Variants in NPSR1 observed in about 807,000 individuals in gnomAD.
NPSR1 encodes the protein neuropeptide S receptor.
A neutral mutation model predicts 46.9 loss-of-function variants in NPSR1; 48 were observed. The observed-to-expected ratio is 1.02, with a 90% confidence interval of 0.81 to 1.30. The LOEUF is 1.30. Among genes scored for constraint, NPSR1 ranks in the 50% most tolerant of loss-of-function variants. The pLI is 0.00. For synonymous variants in NPSR1, 176 were observed against 168.1 expected (o/e 1.05, Z -0.36); for missense variants, 450 against 449.5 (o/e 1.00, Z -0.01).
At chr7:34,665,334 G>T (rs1447226045) in intron 1 of NPSR1, among the ~76,000 whole-genome samples, 1 of 152,090 alleles carries the variant, frequency 6.6e-6, no homozygotes. Context: ...GCTGTCTTTG[G>T]CCTGAAATGA....
intron 6 of NPSR1, among the ~76,000 whole-genome samples, chr7:34,840,184 G>T (rs987450296): frequency 3.9e-5 from 6 of 152,194 alleles, no homozygotes; most frequent in African/African-American, 1.2e-4. Context: ...AAGGTTCAGA[G>T]ATATGCAGCC....
intron 4 of NPSR1, among the ~76,000 whole-genome samples, chr7:34,821,504 C>T (rs1789560430): frequency 6.6e-6 from 1 of 152,096 alleles, no homozygotes; most frequent in Admixed American, 6.5e-5. Flanking sequence ...GACAAAAGGA[C>T]ATCGACGCCA....
chr7:34,808,871 A>T (rs1379929), intron 3 of NPSR1, among the ~76,000 whole-genome samples: 10,366 of 152,024 alleles, frequency 0.068, 1,019 homozygotes, highest in African/African-American at 0.22. Context: ...GTAACTTTTA[A>T]ATTTTTTTAC....
intron 7 of NPSR1, among the ~76,000 whole-genome samples, chr7:34,847,697 C>T (rs1051116675): frequency 3.9e-5 from 6 of 152,286 alleles, no homozygotes; most frequent in East Asian, 1.9e-4. Flanking sequence ...AGATTGGATG[C>T]GGCCCACAAA....
Position 34,778,545 on chromosome 7 carries a change from C to A in NPSR1, c.364C>A (p.Arg122=). The A allele has an allele frequency of 2.5e-6, 4 of 1,610,896 alleles. No individual in the cohort carries two copies. The highest frequency in any genetic ancestry group is 3.4e-6 in the Non-Finnish European group (4 of 1,177,588). The change falls in exon 3 of 9, where the codon CGA becomes AGA. Residue 122 remains arginine, a synonymous_variant. Transcript: ENST00000360581. Reference sequence around the variant, plus strand: ...CTTCACGGCACCTGACCTGGTTTGCCGAGTGGTCCGCTATTTGCAGGTATG... The same window carrying A: ...CTTCACGGCACCTGACCTGGTTTGCAGAGTGGTCCGCTATTTGCAGGTATG... ...GDFTAPDLVC[R]VVRYLQVVLL...
At chr7:34,726,948 T>C (rs1784186045) in intron 2 of NPSR1, among the ~76,000 whole-genome samples, 1 of 152,164 alleles carries the variant, frequency 6.6e-6, no homozygotes, top group South Asian at 2.1e-4. Context: ...TATGTGTCAT[T>C]GTACATTTGT....
chr7:34,660,906 C>A (rs1234138371), intron 1 of NPSR1, among the ~76,000 whole-genome samples: 1 of 152,168 alleles, frequency 6.6e-6, no homozygotes, highest in African/African-American at 2.4e-5. Flanking sequence ...GACTGTACCT[C>A]TCTTCTTGCC....
At chr7:34,835,753 T>C (rs1489340568) in intron 6 of NPSR1, among the ~76,000 whole-genome samples, 2 of 152,142 alleles carry the variant, frequency 1.3e-5, no homozygotes, top group Non-Finnish European at 2.9e-5. Context: ...GGACTGGAAA[T>C]GACAAAGAAT....
intron 8 of NPSR1, among the ~76,000 whole-genome samples, chr7:34,859,539 G>T (rs920713037): frequency 5.9e-5 from 9 of 151,632 alleles, no homozygotes; most frequent in Admixed American, 2.0e-4. Flanking sequence ...AGATATTGCT[G>T]CCCTAACTCC....
At chr7:34,870,910 G>GGATA (rs1791438643) in intron 8 of NPSR1, among the ~76,000 whole-genome samples, 1 of 150,772 alleles carries the variant, frequency 6.6e-6, no homozygotes, top group Admixed American at 6.6e-5. Context: ...ATGAATGGAT[G>GGATA]GATGGATAGA....
chr7:34,818,782 G>A (rs1460028466), intron 4 of NPSR1, among the ~76,000 whole-genome samples: 1 of 152,126 alleles, frequency 6.6e-6, no homozygotes, highest in African/African-American at 2.4e-5. Context: ...ACAACCATCT[G>A]ATCTTTGACA....
At chr7:34,811,277 G>A (rs1293541450) in intron 3 of NPSR1, among the ~76,000 whole-genome samples, 2 of 152,142 alleles carry the variant, frequency 1.3e-5, no homozygotes, top group African/African-American at 4.8e-5. Context: ...GAAGGGGGAT[G>A]GAGTGGGAAG....
chr7:34,734,085 G>A (rs765256713), intron 2 of NPSR1, among the ~76,000 whole-genome samples: 1 of 152,172 alleles, frequency 6.6e-6, no homozygotes, highest in Non-Finnish European at 1.5e-5. Context: ...CCAGATTGGA[G>A]GAGGCAGGTT....
chr7:34,773,341 A>G (rs757025827), intron 2 of NPSR1, among the ~76,000 whole-genome samples: 2 of 152,190 alleles, frequency 1.3e-5, no homozygotes, highest in Non-Finnish European at 2.9e-5. Context: ...TAATACAAAC[A>G]GTAGGTTCTA....
intron 2 of NPSR1, among the ~76,000 whole-genome samples, chr7:34,686,731 C>T (rs1284077861): frequency 2.0e-5 from 3 of 152,056 alleles, no homozygotes; most frequent in Non-Finnish European, 4.4e-5. Flanking sequence ...GCACTCAAAG[C>T]ACCCTCCTTT....
Position 34,790,666 on chromosome 7 carries a change from ATATGT to A in NPSR1, c.384+12105_384+12109del, listed in dbSNP as rs1186490627. ...ATATAATATGTATTATGTTATAAATATATGTTATATGTTCTATGTTATATATAATA... is the reference window on the plus strand; with the variant it reads ...ATATAATATGTATTATGTTATAAATATATATGTTCTATGTTATATATAATA... On this transcript the variant is annotated intron_variant, in intron 3 of 8. Transcript: ENST00000360581. 3.3e-3 allele frequency among the ~76,000 whole-genome samples: 430 copies of A among 130,212 alleles called. 2 individuals are homozygous for A. The highest frequency in any genetic ancestry group is 5.6e-3 in the Non-Finnish European group (347 of 61,512). The allele number at this position is 130,212 out of a possible 152,430, so 85.4% of individuals were successfully genotyped here.
intron 6 of NPSR1, among the ~76,000 whole-genome samples, chr7:34,836,581 T>C (rs747612215): frequency 1.5e-4 from 20 of 135,490 alleles, no homozygotes; most frequent in Non-Finnish European, 2.8e-4. Flanking sequence ...AAAGATAGAA[T>C]GAGGGAGAAA....
intron 1 of NPSR1, among the ~76,000 whole-genome samples, chr7:34,681,178 G>A (rs1419757206): frequency 6.6e-6 from 1 of 152,092 alleles, no homozygotes; most frequent in Non-Finnish European, 1.5e-5. Context: ...CCCAGACCAA[G>A]TCCCAACCTG....
In NPSR1 at chr7:34,797,528, C is replaced by A. The variant is rs1384518001; in HGVS notation, c.385-14242C>A. 2.0e-5 allele frequency among the ~76,000 whole-genome samples: 3 copies of A among 151,996 alleles called. No homozygotes were observed. The East Asian group carries it at 5.8e-4, about 29-fold the overall frequency. Reference sequence around the variant, plus strand: ...ACTTTTAAACATGTAATAGAATTCCCAAGAACTGTGGGACAATTACACAAA... The same window carrying A: ...ACTTTTAAACATGTAATAGAATTCCAAAGAACTGTGGGACAATTACACAAA... On this transcript the variant is annotated intron_variant, in intron 3 of 8. Transcript: ENST00000360581.
Sources: allele counts gnomAD v4.1 joint callset (sites outside exome capture counted in the v4.1 genomes callset), GRCh38; gene constraint gnomAD v4.1.1; transcripts MANE v1.5; gene names NCBI Gene and HGNC (gene_info 2026-07-23, HGNC 2026-07-21).